The following RASEF variants were observed in gnomAD, a reference collection of about 807,000 sequenced individuals.
RASEF encodes the protein ras and EF-hand domain-containing protein.
In RASEF, 68 loss-of-function variants were observed where a neutral mutation model predicts 90.1. The ratio of observed to expected loss-of-function variants is 0.75; its 90% CI spans 0.62 to 0.92. RASEF has a LOEUF of 0.92. RASEF is among the 40% of genes least tolerant of loss of function. The pLI is 0.00. For missense variants in RASEF, 949 were observed against 937.2 expected, an observed-to-expected ratio of 1.01 and a Z score of -0.16; for synonymous variants, 331 against 345.2, an observed-to-expected ratio of 0.96 and a Z score of 0.46.
chr9:83,037,949 A>G (rs1227297861), intron 1 of RASEF, among the ~76,000 whole-genome samples: 1 of 152,082 alleles, frequency 6.6e-6, no homozygotes, highest in Non-Finnish European at 1.5e-5. Context: ...AAATTCAATG[A>G]TAAGAGTTCA....
At chr9:83,001,826 T>G (rs919366407) in intron 9 of RASEF, among the ~76,000 whole-genome samples, 4 of 152,144 alleles carry the variant, frequency 2.6e-5, no homozygotes, top group African/African-American at 9.7e-5. Context: ...ATGACTGGAA[T>G]GTATGATTTG....
intron 14 of RASEF, among the ~76,000 whole-genome samples, chr9:82,994,260 T>C (rs911062471): frequency 6.6e-6 from 1 of 152,192 alleles, no homozygotes; most frequent in Non-Finnish European, 1.5e-5. Flanking sequence ...TGTTCTTTGA[T>C]GACCTCAGGA....
the RASEF span, among the ~76,000 whole-genome samples, chr9:83,188,410 T>G: frequency 6.6e-6 from 1 of 152,228 alleles, no homozygotes; most frequent in Non-Finnish European, 1.5e-5. Context: ...TTACAGAGGC[T>G]TTTGTCACTT....
intron 3 of RASEF, among the ~76,000 whole-genome samples, chr9:83,018,518 G>A (rs187794425): frequency 3.2e-4 from 48 of 151,806 alleles, no homozygotes; most frequent in Middle Eastern, 3.4e-3. Flanking sequence ...ATCTATAGAC[G>A]CAATGAAGTT....
chr9:83,130,801 G>T, the RASEF span, among the ~76,000 whole-genome samples: 1 of 152,236 alleles, frequency 6.6e-6, no homozygotes, highest in Non-Finnish European at 1.5e-5. Flanking sequence ...TGAGCAATGT[G>T]TATAAGTGCT....
At chr9:83,094,613 C>T in the RASEF span, among the ~76,000 whole-genome samples, 3 of 151,922 alleles carry the variant, frequency 2.0e-5, no homozygotes, top group African/African-American at 7.3e-5. Flanking sequence ...AAAAGCCAGG[C>T]GTACATAATA....
chr9:83,005,807 C>G (rs1829118818), intron 7 of RASEF, among the ~76,000 whole-genome samples: 1 of 152,162 alleles, frequency 6.6e-6, no homozygotes, highest in Non-Finnish European at 1.5e-5. Context: ...GCAGGTCTTT[C>G]AAAGCTCCCT....
chr9:82,982,817 GA>G, intron 16 of RASEF, 35 bp from the exon 17 acceptor site: 1 of 1,116,722 alleles, frequency 9.0e-7, no homozygotes, highest in Non-Finnish European at 1.4e-6. Context: ...GAGAGAGAGA[GA>G]GAGAGAGAGA....
intron 13 of RASEF, among the ~76,000 whole-genome samples, 196 bp from the exon 14 acceptor site, chr9:82,997,322 C>T (rs140552760): frequency 6.8e-4 from 104 of 152,154 alleles, no homozygotes; most frequent in Non-Finnish European, 6.8e-4. Flanking sequence ...TCTGGGTGAC[C>T]GACTTAGAAA....
chr9:83,058,678 C>T (rs1018162672), intron 1 of RASEF, among the ~76,000 whole-genome samples: 10 of 152,166 alleles, frequency 6.6e-5, no homozygotes, highest in African/African-American at 2.2e-4. Flanking sequence ...TTCGCCTCTG[C>T]CTACTGGCAG....
chr9:83,116,297 T>C, the RASEF span, among the ~76,000 whole-genome samples: 8 of 152,206 alleles, frequency 5.3e-5, no homozygotes, highest in Non-Finnish European at 8.8e-5. Flanking sequence ...AGCTGCATCG[T>C]TTTTATGACA....
the RASEF span, among the ~76,000 whole-genome samples, chr9:83,128,391 T>C: frequency 6.6e-6 from 1 of 151,974 alleles, no homozygotes; most frequent in African/African-American, 2.4e-5. Context: ...ACCTATTTCA[T>C]ATATATCTAC....
At chr9:83,018,243 A>G (rs1829379486) in intron 3 of RASEF, among the ~76,000 whole-genome samples, 1 of 152,166 alleles carries the variant, frequency 6.6e-6, no homozygotes, top group Non-Finnish European at 1.5e-5. Context: ...TCTACCAACA[A>G]AAAGGCACTG....
chr9:83,123,898 C>T, the RASEF span, among the ~76,000 whole-genome samples: 1 of 136,948 alleles, frequency 7.3e-6, no homozygotes, highest in South Asian at 2.4e-4. Context: ...GCTATCACCA[C>T]CATCCATCTC....
At chr9:83,078,796 G>GA in the RASEF span, among the ~76,000 whole-genome samples, 1 of 152,138 alleles carries the variant, frequency 6.6e-6, no homozygotes. Flanking sequence ...TTTCTCTAAT[G>GA]ATCATTGATA....
At chr9:83,081,172 G>A in the RASEF span, among the ~76,000 whole-genome samples, 3 of 152,164 alleles carry the variant, frequency 2.0e-5, no homozygotes, top group South Asian at 2.1e-4. Flanking sequence ...AGGTCACACC[G>A]ACAATTAAAG....
At chr9:83,130,037 G>A in the RASEF span, among the ~76,000 whole-genome samples, 1 of 152,268 alleles carries the variant, frequency 6.6e-6, no homozygotes, top group African/African-American at 2.4e-5. Context: ...GGTATATTTT[G>A]GCTCAGAAAA....
the RASEF span, among the ~76,000 whole-genome samples, chr9:83,144,366 A>AG: frequency 9.4e-4 from 70 of 74,846 alleles, 2 homozygotes; most frequent in African/African-American, 3.1e-3. Context: ...AAAGAAAGAA[A>AG]GAAAGAAAGA....
At chr9:83,106,677 C>A in the RASEF span, among the ~76,000 whole-genome samples, 2 of 152,140 alleles carry the variant, frequency 1.3e-5, no homozygotes, top group Non-Finnish European at 2.9e-5. Context: ...TTTGTCATAC[C>A]CTGAAATTAC....
Sources: allele counts gnomAD v4.1 joint callset (sites outside exome capture counted in the v4.1 genomes callset), GRCh38; gene constraint gnomAD v4.1.1; transcripts MANE v1.5; gene names NCBI Gene and HGNC (gene_info 2026-07-23, HGNC 2026-07-21).